C1QTNF7: variants seen among roughly 807,000 people sequenced by gnomAD.
C1QTNF7 encodes the protein C1q and TNF related 7, also known as complement C1q tumor necrosis factor-related protein 7.
Under a neutral mutation model 19.6 loss-of-function variants are expected in C1QTNF7, and 15 were observed. The ratio of observed to expected loss-of-function variants is 0.76; its 90% CI spans 0.51 to 1.18. The LOEUF (loss-of-function observed/expected upper bound fraction) is 1.18, where lower values mean the gene tolerates loss of function less well. Ranked by LOEUF, C1QTNF7 falls within the 50% of genes most tolerant of loss-of-function variation. The pLI, the probability that C1QTNF7 is intolerant of heterozygous loss-of-function variation, is 0.00. For missense variants in C1QTNF7, 324 were observed against 359.7 expected (o/e 0.90, Z 0.80); for synonymous variants, 142 against 137.5 (o/e 1.03, Z -0.23).
chr4:15,443,598 A>T lies in C1QTNF7; in HGVS notation c.*799A>T, dbSNP rs1055405106. On this transcript the variant is annotated 3_prime_UTR_variant, in exon 3 of 3. Coordinates refer to ENST00000444304, the MANE Select transcript of C1QTNF7 (RefSeq NM_031911.5). Reference sequence around the variant, plus strand: ...AGGGGGTGTGATGGATGCAAAGGGAATGAGGAATTCAGCACTGCATTCTCT... The same window carrying T: ...AGGGGGTGTGATGGATGCAAAGGGATTGAGGAATTCAGCACTGCATTCTCT... The T allele has an allele frequency of 9.2e-5, 14 of 152,246 alleles. No individual in the cohort carries two copies. Among genetic ancestry groups the T allele is most frequent in the Admixed American group, 9.2e-4 (14 of 15,286 alleles). The allele number at this position is 152,246 out of a possible 1,614,324, so 9.4% of individuals were successfully genotyped here.
intron 1 of C1QTNF7, among the ~76,000 whole-genome samples, chr4:15,360,989 ATT>A: frequency 6.6e-6 from 1 of 152,214 alleles, no homozygotes; most frequent in Non-Finnish European, 1.5e-5. Flanking sequence ...AATTGATTGA[ATT>A]TAAGGATTTT....
intron 1 of C1QTNF7, among the ~76,000 whole-genome samples, chr4:15,392,139 G>T (rs758249829): frequency 1.3e-5 from 2 of 152,174 alleles, no homozygotes; most frequent in Non-Finnish European, 2.9e-5. Flanking sequence ...AACATTTTAG[G>T]AATGTGCCAT....
At chr4:15,435,651 C>T in intron 1 of C1QTNF7, 85 bp from the exon 2 acceptor site, 2 of 1,554,118 alleles carry the variant, frequency 1.3e-6, no homozygotes, top group South Asian at 1.2e-5. Context: ...AATGCACATT[C>T]TCTTGTTCAA....
intron 1 of C1QTNF7, among the ~76,000 whole-genome samples, chr4:15,350,767 A>C (rs1716909071): frequency 6.6e-6 from 1 of 152,218 alleles, no homozygotes; most frequent in East Asian, 1.9e-4. Flanking sequence ...ATTAAAATCA[A>C]AGCACATGAA....
intron 1 of C1QTNF7, among the ~76,000 whole-genome samples, chr4:15,393,891 C>G (rs1339242394): frequency 1.3e-5 from 2 of 152,184 alleles, no homozygotes; most frequent in African/African-American, 4.8e-5. Flanking sequence ...CCACACAAGC[C>G]TTCCTTTCTA....
chr4:15,421,438 T>C (rs577648637), intron 1 of C1QTNF7, among the ~76,000 whole-genome samples: 7 of 152,138 alleles, frequency 4.6e-5, no homozygotes, highest in African/African-American at 1.7e-4. Context: ...CAAAGAACAG[T>C]AGCCAAAGGT....
chr4:15,385,902 G>A (rs1172830407), intron 1 of C1QTNF7, among the ~76,000 whole-genome samples: 1 of 152,160 alleles, frequency 6.6e-6, no homozygotes, highest in Non-Finnish European at 1.5e-5. Context: ...AGATTACTCT[G>A]TTTGAAGACA....
Position 15,443,402 on chromosome 4 carries a change from C to G in C1QTNF7, c.*603C>G, listed in dbSNP as rs1055754552. ...TAATGAGTTAAGACAAAGCCCCTAC[C>G]TATGGGCTAGTGTGTGGTGATCAAA... On this transcript the variant is annotated 3_prime_UTR_variant, in exon 3 of 3. Coordinates refer to ENST00000444304, the MANE Select transcript of C1QTNF7 (RefSeq NM_031911.5). The G allele has an allele frequency of 3.3e-5, 5 of 152,350 alleles. No homozygotes were observed. Among genetic ancestry groups the G allele is most frequent in the African/African-American group, 1.2e-4 (5 of 41,466 alleles). The allele number at this position is 152,350 out of a possible 1,614,324, so 9.4% of individuals were successfully genotyped here.
At chr4:15,432,320 A>G (rs989484402) in intron 1 of C1QTNF7, among the ~76,000 whole-genome samples, 30 of 152,212 alleles carry the variant, frequency 2.0e-4, no homozygotes, top group African/African-American at 7.0e-4. Context: ...TCTTGCATCA[A>G]CTGAATCCCA....
chr4:15,371,079 T>C (rs1717703019), intron 1 of C1QTNF7, among the ~76,000 whole-genome samples: 1 of 152,196 alleles, frequency 6.6e-6, no homozygotes, highest in East Asian at 1.9e-4. Flanking sequence ...GTCAGCTCTT[T>C]CTAGGAAGAG....
At chr4:15,437,096 C>T (rs1334277457) in intron 2 of C1QTNF7, among the ~76,000 whole-genome samples, 1 of 152,068 alleles carries the variant, frequency 6.6e-6, no homozygotes, top group African/African-American at 2.4e-5. Context: ...TAGGGTAACA[C>T]CTGTGAATAT....
rs746237488 is a variant in C1QTNF7 at position 15,442,581 on chromosome 4, A to T, written c.652A>T (p.Ile218Leu). 6.2e-7 allele frequency: 1 copy of T among 1,614,092 alleles called. No homozygotes were observed. Among genetic ancestry groups the T allele is most frequent in the African/African-American group, 1.3e-5 (1 of 74,938 alleles). ...ACTGGTACACAATGGGCAATACCGG[A>T]TAAAGACCTTCGACGCCAACACAGG... ...IGLVHNGQYRIKTFDANTGNH... is the reference protein window; with the variant it reads ...IGLVHNGQYRLKTFDANTGNH... The change falls in exon 3 of 3, where the codon ATA (isoleucine) becomes TTA (leucine). Residue 218 changes from isoleucine to leucine, a missense_variant. Physicochemically the swap from Ile to Leu is conservative, Grantham distance 5 (BLOSUM62 2). Coordinates refer to ENST00000444304, the MANE Select transcript of C1QTNF7 (RefSeq NM_031911.5).
intron 1 of C1QTNF7, among the ~76,000 whole-genome samples, chr4:15,383,657 G>T (rs1230566861): frequency 6.6e-6 from 1 of 152,178 alleles, no homozygotes. Context: ...AATTGTTATT[G>T]TTCAGAAATA....
intron 1 of C1QTNF7, among the ~76,000 whole-genome samples, chr4:15,345,889 G>T (rs1319258574): frequency 6.6e-6 from 1 of 152,102 alleles, no homozygotes; most frequent in Non-Finnish European, 1.5e-5. Flanking sequence ...GAGGTAAGTA[G>T]CTCACCTAAC....
chr4:15,382,699 C>T (rs1303736115), intron 1 of C1QTNF7, among the ~76,000 whole-genome samples: 1 of 152,170 alleles, frequency 6.6e-6, no homozygotes, highest in African/African-American at 2.4e-5. Context: ...ATCCCATACC[C>T]TTCTCAAACT....
At chr4:15,404,694 T>C (rs912643330) in intron 1 of C1QTNF7, among the ~76,000 whole-genome samples, 1 of 152,166 alleles carries the variant, frequency 6.6e-6, no homozygotes, top group Admixed American at 6.5e-5. Flanking sequence ...TCAGAGCAGG[T>C]TGACTGCGGT....
At chr4:15,347,830 A>G (rs1716770925) in intron 1 of C1QTNF7, among the ~76,000 whole-genome samples, 1 of 152,206 alleles carries the variant, frequency 6.6e-6, no homozygotes, top group South Asian at 2.1e-4. Context: ...TAGTAAGCCC[A>G]TCTCATAAAA....
At chr4:15,439,823 G>A (rs1010948731) in intron 2 of C1QTNF7, among the ~76,000 whole-genome samples, 4 of 151,882 alleles carry the variant, frequency 2.6e-5, no homozygotes, top group African/African-American at 9.7e-5. Flanking sequence ...GATATCTTTC[G>A]ATGGTATTAA....
intron 1 of C1QTNF7, among the ~76,000 whole-genome samples, chr4:15,341,424 G>A (rs1308072405): frequency 6.6e-6 from 1 of 152,090 alleles, no homozygotes; most frequent in Non-Finnish European, 1.5e-5. Context: ...TACATAAAGT[G>A]GACTGTTGTG....
Sources: gnomAD v4.1 joint callset for allele counts (sites outside exome capture counted in the v4.1 genomes callset) on GRCh38, gnomAD v4.1.1 for gene constraint, MANE v1.5 for transcripts, NCBI Gene and HGNC (gene_info 2026-07-23, HGNC 2026-07-21) for gene names.